GDAP1: variants seen among roughly 807,000 people sequenced by gnomAD.
GDAP1 encodes the protein ganglioside-induced differentiation-associated protein 1.
GDAP1 carries 34 observed loss-of-function variants against 40.1 expected under a neutral mutation model. That is an observed-to-expected ratio of 0.85 (90% CI 0.64 to 1.13). GDAP1 has a LOEUF of 1.13. Ranked by LOEUF, GDAP1 falls within the 50% of genes most tolerant of loss-of-function variation. The pLI, the probability that GDAP1 is intolerant of heterozygous loss-of-function variation, is 0.00. For synonymous variants in GDAP1, 170 were observed against 157.4 expected, an observed-to-expected ratio of 1.08 and a Z score of -0.60; for missense variants, 374 against 433.7, an observed-to-expected ratio of 0.86 and a Z score of 1.22.
chr8:74,364,398 C>G lies in GDAP1; in HGVS notation c.*31C>G, dbSNP rs1809524793. Reference sequence around the variant, plus strand: ...TTGGGATCTTGTCGTGGCAGCTCATCCAAGCATTTAGCTAGACCCTGTGAT... The same window carrying G: ...TTGGGATCTTGTCGTGGCAGCTCATGCAAGCATTTAGCTAGACCCTGTGAT... On this transcript the variant is annotated 3_prime_UTR_variant, in exon 6 of 6. Transcript: ENST00000220822. 3 of 1,605,428 alleles carry G rather than the reference C, an allele frequency of 1.9e-6. No individual in the cohort carries two copies. In the African/African-American group the frequency reaches 4.0e-5, roughly 21 times the overall value.
chr8:74,351,044 G>A (rs947761909), intron 1 of GDAP1, among the ~76,000 whole-genome samples: 6 of 152,134 alleles, frequency 3.9e-5, no homozygotes, highest in Admixed American at 6.5e-5. Context: ...GAGGGTGACT[G>A]TTTAATGAAT....
chr8:74,427,672 C>G (rs1389729955), intron 2 of GDAP1, among the ~76,000 whole-genome samples: 1 of 152,072 alleles, frequency 6.6e-6, no homozygotes, highest in Non-Finnish European at 1.5e-5. Flanking sequence ...TAAACAAACA[C>G]ATTTGCTAAG....
At chr8:74,352,234 CTAA>C (rs1808910528) in intron 2 of GDAP1, among the ~76,000 whole-genome samples, 1 of 152,170 alleles carries the variant, frequency 6.6e-6, no homozygotes, top group Non-Finnish European at 1.5e-5. Context: ...TTGCTTGTTC[CTAA>C]TAATAATCCT....
chr8:74,418,610 AG>A (rs768562133), intron 2 of GDAP1, among the ~76,000 whole-genome samples: 2 of 152,228 alleles, frequency 1.3e-5, no homozygotes, highest in Non-Finnish European at 2.9e-5. Flanking sequence ...GCCCTGGATT[AG>A]GCAAAGAAAT....
intron 2 of GDAP1, among the ~76,000 whole-genome samples, chr8:74,465,997 G>A (rs1413586235): frequency 6.6e-6 from 1 of 152,140 alleles, no homozygotes; most frequent in Non-Finnish European, 1.5e-5. Flanking sequence ...TTAATATGAT[G>A]TCTGCATCCC....
intron 2 of GDAP1, among the ~76,000 whole-genome samples, chr8:74,398,351 A>G (rs908143753): frequency 1.8e-4 from 27 of 151,916 alleles, no homozygotes; most frequent in African/African-American, 5.8e-4. Context: ...TTTTGAGTCT[A>G]TGTGTGTCTC....
Position 74,351,439 on chromosome 8 carries a change from G to A in GDAP1, c.283G>A (p.Asp95Asn), listed in dbSNP as rs1808870613. 6.2e-7 allele frequency: 1 copy of A among 1,613,732 alleles called. No homozygotes were observed. Among genetic ancestry groups the A allele is most frequent in the African/African-American group, 1.3e-5 (1 of 74,918 alleles). Reference protein sequence around the residue: ...NIICEATQIIDYLEQTFLDER... With the variant: ...NIICEATQIINYLEQTFLDER... ...AATTTGTGAGGCCACTCAGATCATT[G>A]ATTATCTTGAACAGACTTTCCTGGA... The change falls in exon 2 of 6, where the codon GAT becomes AAT. Residue 95 changes from aspartate (D) to asparagine (N), a missense_variant. Physicochemically the swap from Asp to Asn is conservative, Grantham distance 23. Coordinates refer to ENST00000220822, the MANE Select transcript of GDAP1 (RefSeq NM_018972.4).
chr8:74,418,343 G>A (rs958116688), intron 2 of GDAP1, among the ~76,000 whole-genome samples: 1 of 152,202 alleles, frequency 6.6e-6, no homozygotes, highest in Non-Finnish European at 1.5e-5. Context: ...ATAAGCATAT[G>A]GGTCAATTGA....
At chr8:74,379,145 T>TGATAGTGTG in intron 2 of GDAP1, among the ~76,000 whole-genome samples, 2 of 151,950 alleles carry the variant, frequency 1.3e-5, no homozygotes, top group Non-Finnish European at 2.9e-5. Context: ...ACTTTCAGGG[T>TGATAGTGTG]CCGACTCAGG....
At chr8:74,438,015 A>G (rs1426982490) in intron 2 of GDAP1, among the ~76,000 whole-genome samples, 3 of 152,012 alleles carry the variant, frequency 2.0e-5, no homozygotes, top group Non-Finnish European at 4.4e-5. Flanking sequence ...TCACGCCTGT[A>G]ATCCCAGCAC....
chr8:74,396,324 AT>A (rs1037468765), intron 2 of GDAP1, among the ~76,000 whole-genome samples: 8 of 150,982 alleles, frequency 5.3e-5, no homozygotes, highest in East Asian at 3.9e-4. Flanking sequence ...TTATTTATTT[AT>A]TTTTTTTACA....
At chr8:74,459,033 C>T (rs1467105932) in intron 2 of GDAP1, among the ~76,000 whole-genome samples, 2 of 152,044 alleles carry the variant, frequency 1.3e-5, no homozygotes, top group South Asian at 2.1e-4. Flanking sequence ...AATTAGTTTG[C>T]GCAGCCCTTG....
At chr8:74,356,716 A>ATTTT (rs377497809) in intron 2 of GDAP1, among the ~76,000 whole-genome samples, 21,659 of 103,846 alleles carry the variant, frequency 0.21, 3,207 homozygotes, top group South Asian at 0.32. Context: ...ATATATATAT[A>ATTTT]TTTTTTTTTT....
intron 2 of GDAP1, among the ~76,000 whole-genome samples, chr8:74,415,502 G>A (rs1431250038): frequency 1.3e-5 from 2 of 149,850 alleles, no homozygotes; most frequent in Non-Finnish European, 2.9e-5. Context: ...AATATGTGGT[G>A]GGCTGCCACC....
At chr8:74,404,055 G>A (rs1009848279) in intron 2 of GDAP1, among the ~76,000 whole-genome samples, 8 of 149,888 alleles carry the variant, frequency 5.3e-5, no homozygotes, top group African/African-American at 1.3e-4. Context: ...AAAAGATCAC[G>A]AGACAAATTA....
At chr8:74,419,773 G>C (rs1306670852) in intron 2 of GDAP1, among the ~76,000 whole-genome samples, 1 of 151,888 alleles carries the variant, frequency 6.6e-6, no homozygotes, top group African/African-American at 2.4e-5. Flanking sequence ...TTTCTTCTAG[G>C]GGTTCTCTGG....
chr8:74,462,175 A>G (rs989809821), intron 2 of GDAP1, among the ~76,000 whole-genome samples: 3 of 152,226 alleles, frequency 2.0e-5, no homozygotes, highest in Non-Finnish European at 4.4e-5. Context: ...TTAACTATAT[A>G]TAGTGACTCC....
In GDAP1 at chr8:74,403,683, G is replaced by T. The variant is rs56135917; in HGVS notation, c.165+52362G>T. On this transcript the variant is annotated intron_variant, in intron 2 of 2. Transcript: ENST00000523640. ...TTGGGCAGATTTCTGACCTTGCCGG[G>T]TCTCTGTAGTGTATGTGTTAGTAAC... Among the ~76,000 whole-genome samples, 1,140 of 150,288 alleles carry T rather than the reference G, an allele frequency of 7.6e-3. 140 individuals carry two copies. The highest frequency in any genetic ancestry group is 0.027 in the African/African-American group (1,085 of 39,626).
intron 2 of GDAP1, among the ~76,000 whole-genome samples, chr8:74,394,062 A>C (rs74967472): frequency 3.3e-5 from 5 of 150,432 alleles, no homozygotes; most frequent in Admixed American, 2.6e-4. Context: ...GACAATTTAC[A>C]AAAAAAAGAG....
Sources: allele counts gnomAD v4.1 joint callset (sites outside exome capture counted in the v4.1 genomes callset), GRCh38; gene constraint gnomAD v4.1.1; transcripts MANE v1.5; gene names NCBI Gene and HGNC (gene_info 2026-07-23, HGNC 2026-07-21).